Variants in CADM2 observed in about 807,000 individuals in gnomAD.
CADM2 encodes the protein immunoglobulin superfamily member 4D.
CADM2 carries 12 observed loss-of-function variants against 49.8 expected under a neutral mutation model. That is an observed-to-expected ratio of 0.24 (90% CI 0.15 to 0.39). The LOEUF (loss-of-function observed/expected upper bound fraction) is 0.39. Ranked by LOEUF, CADM2 falls within the 10% of genes least tolerant of loss-of-function variation. CADM2 has a pLI of 1.00. For synonymous variants in CADM2, 214 were observed against 175.4 expected (o/e 1.22, Z -1.74); for missense variants, 378 against 492.3 (o/e 0.77, Z 2.20).
At chr3:84,977,900 T>C (rs1448736351) in intron 1 of CADM2, among the ~76,000 whole-genome samples, 1 of 152,050 alleles carries the variant, frequency 6.6e-6, no homozygotes, top group Non-Finnish European at 1.5e-5. Flanking sequence ...TAAACTAAGA[T>C]CTTTAAATTT....
At chr3:85,166,594 A>G (rs1210789679) in intron 1 of CADM2, among the ~76,000 whole-genome samples, 1 of 151,938 alleles carries the variant, frequency 6.6e-6, no homozygotes, top group African/African-American at 2.4e-5. Flanking sequence ...GACAATAATT[A>G]TAATTAATGC....
intron 1 of CADM2, among the ~76,000 whole-genome samples, chr3:85,321,955 C>G (rs965240030): frequency 6.6e-6 from 1 of 152,186 alleles, no homozygotes; most frequent in African/African-American, 2.4e-5. Context: ...GTTTGCAGAA[C>G]TGAAATTGCT....
At chr3:85,847,512 C>G (rs966135094) in intron 3 of CADM2, among the ~76,000 whole-genome samples, 11 of 152,290 alleles carry the variant, frequency 7.2e-5, no homozygotes, top group Middle Eastern at 3.4e-3. Flanking sequence ...GATTTTATTA[C>G]TTAAAATTAC....
At chr3:85,325,909 G>A (rs760983750) in intron 1 of CADM2, among the ~76,000 whole-genome samples, 9 of 152,038 alleles carry the variant, frequency 5.9e-5, no homozygotes, top group African/African-American at 9.7e-5. Flanking sequence ...CTCCTCAAGC[G>A]ACTTACATCT....
At chr3:85,096,711 G>A (rs2037810173) in intron 1 of CADM2, among the ~76,000 whole-genome samples, 1 of 151,976 alleles carries the variant, frequency 6.6e-6, no homozygotes, top group Non-Finnish European at 1.5e-5. Flanking sequence ...TGAGGTAAAT[G>A]GGTTGATATA....
Position 84,959,129 on chromosome 3 carries a change from G to A in CADM2, c.-479G>A. 1 of 186,548 alleles carries A rather than the reference G, an allele frequency of 5.4e-6. No homozygotes were observed. The highest frequency in any genetic ancestry group is 1.1e-5 in the Non-Finnish European group (1 of 89,286). 11.6% of individuals were successfully genotyped at this position (186,548 alleles called of 1,614,324 possible). On this transcript the variant is annotated 5_prime_UTR_variant, in exon 1 of 10. Coordinates refer to ENST00000383699, the MANE Select transcript of CADM2 (RefSeq NM_001167675.2). ...CCACTGCTTCTACCTCCCCTCCCAG[G>A]ACCCCGAGACACCCCGGGCGCGAGC...
chr3:85,428,691 A>G (rs953786160), intron 1 of CADM2, among the ~76,000 whole-genome samples: 1 of 147,374 alleles, frequency 6.8e-6, no homozygotes, highest in African/African-American at 2.5e-5. Flanking sequence ...ATATATATAT[A>G]TATCAGCCTT....
At chr3:85,843,325 G>A (rs79289295) in intron 3 of CADM2, among the ~76,000 whole-genome samples, 4,738 of 152,068 alleles carry the variant, frequency 0.031, 235 homozygotes, top group East Asian at 0.19. Context: ...CCCAGCCTTA[G>A]TAATGTATCT....
intron 1 of CADM2, among the ~76,000 whole-genome samples, chr3:85,656,937 T>C (rs1464306297): frequency 6.6e-6 from 1 of 152,132 alleles, no homozygotes; most frequent in Non-Finnish European, 1.5e-5. Context: ...CTTCCAATTC[T>C]ATCTCCCCAT....
At chr3:85,267,326 C>T (rs72917201) in intron 1 of CADM2, among the ~76,000 whole-genome samples, 10,039 of 151,356 alleles carry the variant, frequency 0.066, 1,088 homozygotes, top group African/African-American at 0.23. Context: ...TCCTCTTTGC[C>T]GTTTTTTCAA....
intron 1 of CADM2, among the ~76,000 whole-genome samples, chr3:85,026,171 T>C (rs1559623336): frequency 6.6e-6 from 1 of 152,200 alleles, no homozygotes; most frequent in Non-Finnish European, 1.5e-5. Flanking sequence ...TAAGTTTTCA[T>C]ATCAGATAAA....
intron 1 of CADM2, among the ~76,000 whole-genome samples, chr3:85,112,370 G>A (rs1438202608): frequency 7.9e-6 from 1 of 126,050 alleles, no homozygotes; most frequent in African/African-American, 3.3e-5. Flanking sequence ...TTTTTTTTTT[G>A]GCATTTAACT....
At chr3:85,787,789 C>T (rs924205548) in intron 2 of CADM2, among the ~76,000 whole-genome samples, 7 of 152,026 alleles carry the variant, frequency 4.6e-5, no homozygotes, top group African/African-American at 1.7e-4. Context: ...GTGTAAGCTC[C>T]TTATTATAAC....
intron 1 of CADM2, among the ~76,000 whole-genome samples, chr3:85,388,698 C>T (rs542961310): frequency 6.6e-6 from 1 of 151,992 alleles, no homozygotes; most frequent in East Asian, 1.9e-4. Context: ...CCAGACTTAC[C>T]ATAGCCAGGA....
intron 1 of CADM2, among the ~76,000 whole-genome samples, chr3:84,993,075 T>G (rs1431811957): frequency 6.6e-6 from 1 of 151,870 alleles, no homozygotes; most frequent in Non-Finnish European, 1.5e-5. Context: ...CAAACTATTT[T>G]AAGAAAAAAA....
At chr3:85,594,802 C>T (rs2063198180) in intron 1 of CADM2, among the ~76,000 whole-genome samples, 1 of 151,996 alleles carries the variant, frequency 6.6e-6, no homozygotes, top group Admixed American at 6.6e-5. Context: ...CCTCTACATT[C>T]TGTTGTATTT....
chr3:85,595,767 A>G (rs949070861), intron 1 of CADM2, among the ~76,000 whole-genome samples: 7 of 152,044 alleles, frequency 4.6e-5, no homozygotes, highest in Non-Finnish European at 8.8e-5. Flanking sequence ...TAAGTGCAAT[A>G]TGTTATTTAT....
At chr3:85,456,813 A>T (rs2038011690) in intron 1 of CADM2, among the ~76,000 whole-genome samples, 1 of 151,298 alleles carries the variant, frequency 6.6e-6, no homozygotes, top group Admixed American at 6.6e-5. Context: ...TATTAAGTAA[A>T]AACAACTATG....
rs183834879 is a variant in CADM2, at chr3:85,633,868, C to T, written c.62-92654C>T. Among the ~76,000 whole-genome samples, 660 of 151,996 alleles carry T rather than the reference C, an allele frequency of 4.3e-3. 5 individuals carry two copies. The highest frequency in any genetic ancestry group is 0.027 in the Middle Eastern group (8 of 294). ...TAATATAACAAACAAGGACCTTCAC[C>T]AGTGAGAGTATGACGAAGCAGTTAA... is the stretch of plus-strand genomic sequence containing the variant. On this transcript the variant is annotated intron_variant, in intron 1 of 9. Coordinates refer to ENST00000383699, the MANE Select transcript of CADM2 (RefSeq NM_001167675.2).
Sources: gnomAD v4.1 joint callset for allele counts (sites outside exome capture counted in the v4.1 genomes callset) on GRCh38, gnomAD v4.1.1 for gene constraint, MANE v1.5 for transcripts, NCBI Gene and HGNC (gene_info 2026-07-23, HGNC 2026-07-21) for gene names.